Variants in TTN observed in about 807,000 individuals in gnomAD.
TTN encodes titin.
Under a neutral mutation model 3,223.0 loss-of-function variants are expected in TTN, and 1,525 were observed. The observed-to-expected ratio is 0.47, with a 90% CI of 0.45 to 0.49. The LOEUF is 0.49. TTN is among the 20% of genes least tolerant of loss of function. TTN has a pLI of 0.00. For synonymous variants in TTN, 14,094 were observed against 15,161.0 expected (o/e 0.93, Z 5.17); for missense variants, 40,786 against 43,424.0 (o/e 0.94, Z 5.40).
chr2:178,760,445 G>T (rs2088779162), intron 43 of TTN, among the ~76,000 whole-genome samples: 1 of 152,172 alleles, frequency 6.6e-6, no homozygotes, highest in Non-Finnish European at 1.5e-5. Flanking sequence ...CAGGAGAATA[G>T]CTTGAACCCG....
chr2:178,777,458 G>A lies in TTN; in HGVS notation c.4607C>T (p.Ala1536Val). 8.7e-6 allele frequency: 14 copies of A among 1,613,832 alleles called. No individual in the cohort carries two copies. The highest frequency in any genetic ancestry group is 1.2e-5 in the Non-Finnish European group (14 of 1,179,890). ...AATCACTGAAATTGAAGATCTGCCT[G>A]CCCTGTTTTGGGCAACCACAGTCCA... is the stretch of plus-strand genomic sequence containing the variant. ...GEWTVVAQNR[A>V]GRSSISVILT... Residue 1536 changes from alanine (A) to valine (V), a missense_variant, in exon 26 of 363, where the codon GCA (alanine) becomes GTA (valine). Transcript: ENST00000589042.
chr2:178,562,109 C>T lies in TTN; in HGVS notation c.84023G>A (p.Arg28008Lys). ...AGTCTTTGAAGAAGAAACATTGACT[C>T]TAGTTGTCTCTTTAAGAGTCTGACC... The part of the protein sequence containing the change: ...KDGQTLKETT[R>K]VNVSSSKTVT... Residue 28008 changes from arginine to lysine, a missense_variant, in exon 326 of 363, where the codon AGA becomes AAA. Coordinates refer to ENST00000589042, the MANE Select transcript of TTN (RefSeq NM_001267550.2). 6.2e-7 allele frequency: 1 copy of T among 1,613,292 alleles called. No homozygotes were observed. Among genetic ancestry groups the T allele is most frequent in the Non-Finnish European group, 8.5e-7 (1 of 1,179,596 alleles).
chr2:178,722,362 A>G lies in TTN; in HGVS notation c.22425T>C (p.Thr7475=), dbSNP rs1252676174. 3.1e-6 allele frequency: 5 copies of G among 1,613,314 alleles called. No individual in the cohort carries two copies. The highest frequency in any genetic ancestry group is 1.1e-5 in the South Asian group (1 of 91,050). The part of the protein sequence containing the change: ...LQTSFVDNVA[T]LKILQTDLSH... ...TCAAGTCAGTTTGCAAAATTTTTAA[A>G]GTTGCCACATTATCTACAAATGAAG... The change falls in exon 77 of 363, where the codon ACT becomes ACC. Residue 7475 remains threonine (T), a synonymous_variant. Transcript: ENST00000589042.
chr2:178,567,996 G>A lies in TTN; in HGVS notation c.78136C>T (p.His26046Tyr), dbSNP rs747097682. ...TTCTGTGCTTTGAATTGGGTGTCAT[G>A]AATAATAGTTTTGTTGACCTTTGTC... ...LWTKVNKTII[H>Y]DTQFKAQNLE... Residue 26046 changes from histidine to tyrosine, a missense_variant, in exon 326 of 363, where the codon CAT (histidine) becomes TAT (tyrosine). Physicochemically the swap from His to Tyr is moderately conservative, Grantham distance 83. Transcript: ENST00000589042. The A allele has an allele frequency of 1.9e-6, 3 of 1,613,292 alleles. No individual in the cohort carries two copies. Among genetic ancestry groups the A allele is most frequent in the Admixed American group, 1.7e-5 (1 of 59,946 alleles).
chr2:178,744,491 G>A (rs907143606), intron 47 of TTN: 4 of 859,446 alleles, frequency 4.7e-6, no homozygotes, highest in Non-Finnish European at 5.6e-6. Flanking sequence ...TTAATTTACT[G>A]TTATTTTAAT....
chr2:178,703,335 A>T (rs1309852474), intron 106 of TTN, among the ~76,000 whole-genome samples: 4 of 152,312 alleles, frequency 2.6e-5, no homozygotes, highest in African/African-American at 9.6e-5. Flanking sequence ...GAATTATATT[A>T]AAAATATCAA....
chr2:178,555,192 AGGATGG>A (rs1422507695), intron 330 of TTN, 40 bp from the exon 331 acceptor site: 2 of 1,571,278 alleles, frequency 1.3e-6, no homozygotes, highest in Admixed American at 2.0e-5. Flanking sequence ...AAATATTATA[AGGATGG>A]AAAAAAAAAT....
intron 310 of TTN, 35 bp from the exon 311 acceptor site, chr2:178,584,613 C>T: frequency 1.9e-6 from 3 of 1,610,094 alleles, no homozygotes; most frequent in African/African-American, 2.7e-5. Flanking sequence ...TCAGTTTCTA[C>T]ATTAAGTAAC....
chr2:178,768,031 T>G lies in TTN; in HGVS notation c.9288A>C (p.Glu3096Asp). ...ITVQWMKDDQELQITDRIKIQ... is the reference protein window; with the variant it reads ...ITVQWMKDDQDLQITDRIKIQ... ...CAACTGACCTGTCTGTGATCTGCAG[T>G]TCCTGGTCATCTTTCATCCACTGTA... is the stretch of plus-strand genomic sequence containing the variant. The change falls in exon 39 of 363, where the codon GAA becomes GAC. Residue 3096 changes from glutamate (E) to aspartate (D), a missense_variant. Physicochemically the swap from Glu to Asp is conservative, Grantham distance 45 (BLOSUM62 2). Coordinates refer to ENST00000589042, the MANE Select transcript of TTN (RefSeq NM_001267550.2). 6.2e-7 allele frequency: 1 copy of G among 1,614,146 alleles called. No homozygotes were observed.
Position 178,735,606 on chromosome 2 carries a change from A to G in TTN, c.14840T>C (p.Ile4947Thr). 2 of 1,613,576 alleles carry G rather than the reference A, an allele frequency of 1.2e-6. No homozygotes were observed. The highest frequency in any genetic ancestry group is 8.5e-7 in the Non-Finnish European group (1 of 1,179,732). Residue 4947 changes from isoleucine to threonine, a missense_variant, in exon 50 of 363, where the codon ATT becomes ACT. By Grantham distance (89) the Ile-to-Thr change is moderately conservative. Coordinates refer to ENST00000589042, the MANE Select transcript of TTN (RefSeq NM_001267550.2). ...CFEDKIATLE[I>T]PLAKLKDSGT... ...TGAATCTTTCAGTTTGGCCAAAGGA[A>G]TCTCAAGTGTTGCTATTTTATCTTC...
In TTN at chr2:178,533,098, G is replaced by A. The variant is rs1278424347; in HGVS notation, c.103517C>T (p.Ala34506Val). The change falls in exon 358 of 363, where the codon GCT (alanine) becomes GTT (valine). Residue 34506 changes from alanine to valine, a missense_variant. Coordinates refer to ENST00000589042, the MANE Select transcript of TTN (RefSeq NM_001267550.2). ...TQVAKEALRE[A>V]AVLYKPAVST... The stretch of plus-strand genomic sequence containing the variant: ...TACAGCCGGTTTATAAAGGACAGCA[G>A]CTTCTCTCAGAGCCTCTTTAGCTAC... 1.2e-6 allele frequency: 2 copies of A among 1,613,906 alleles called. No homozygotes were observed. The highest frequency in any genetic ancestry group is 8.5e-7 in the Non-Finnish European group (1 of 1,179,850).
rs776516784 is a variant in TTN at position 178,584,782 on chromosome 2, C to T, written c.64859G>A (p.Arg21620Lys). 6 of 1,613,484 alleles carry T rather than the reference C, an allele frequency of 3.7e-6. No individual in the cohort carries two copies. The Admixed American group carries it at 1.0e-4, about 27-fold the overall frequency. ...ALASVTKTSC[R>K]VGKLIPGQEY... Reference sequence around the variant, plus strand: ...CTGGCCTGGGATCAGCTTTCCAACCCTGCAGGAAGTTTTTGTGACTGAAGC... The same window carrying T: ...CTGGCCTGGGATCAGCTTTCCAACCTTGCAGGAAGTTTTTGTGACTGAAGC... The change falls in exon 310 of 363, where the codon AGG (arginine) becomes AAG (lysine). Residue 21620 changes from arginine (R) to lysine (K), a missense_variant. Arg to Lys is a conservative substitution (Grantham distance 26). Coordinates refer to ENST00000589042, the MANE Select transcript of TTN (RefSeq NM_001267550.2).
In TTN at chr2:178,704,748, A is replaced by G; in HGVS notation, c.29724T>C (p.Asn9908=). 1 of 1,610,512 alleles carries G rather than the reference A, an allele frequency of 6.2e-7. No homozygotes were observed. The highest frequency in any genetic ancestry group is 8.5e-7 in the Non-Finnish European group (1 of 1,179,484). The change falls in exon 105 of 363, where the codon AAT becomes AAC. Residue 9908 remains asparagine (N), a synonymous_variant. Coordinates refer to ENST00000589042, the MANE Select transcript of TTN (RefSeq NM_001267550.2). The stretch of plus-strand genomic sequence containing the variant: ...CATCATTATCTTTCAAAACTGTCTG[A>G]TTTTCAATGTCCTTGATCAGAGTGA... ...EPVTLIKDIE[N]QTVLKDNDAV...
At position 178,539,695 on chromosome 2, in the gene TTN, G is replaced by C. The variant is rs1693431316; in HGVS notation, c.98370C>G (p.Val32790=). 1 of 1,613,672 alleles carries C rather than the reference G, an allele frequency of 6.2e-7. No individual in the cohort carries two copies. Among genetic ancestry groups the C allele is most frequent in the South Asian group, 1.1e-5 (1 of 91,078 alleles). ...GACTGTTGGGACTTCCTATCACCCTGACCTTGATGTAGACAGCCTTCTTGC... is the reference window on the plus strand; with the variant it reads ...GACTGTTGGGACTTCCTATCACCCTCACCTTGATGTAGACAGCCTTCTTGC... The part of the protein sequence containing the change: ...KCGKKAVYIK[V]RVIGSPNSPE... Residue 32790 remains valine, a synonymous_variant, in exon 352 of 363, where the codon GTC becomes GTG. Coordinates refer to ENST00000589042, the MANE Select transcript of TTN (RefSeq NM_001267550.2).
chr2:178,568,720 G>C lies in TTN; in HGVS notation c.77412C>G (p.Phe25804Leu), dbSNP rs536177370. 4.3e-6 allele frequency: 7 copies of C among 1,613,244 alleles called. No individual in the cohort carries two copies. The South Asian group carries it at 4.4e-5, about 10-fold the overall frequency. The stretch of plus-strand genomic sequence containing the variant: ...GGCCAACCTGTACACTGTAACTACT[G>C]AATGCAGGTTTTACATCTGGCTCAA... Reference protein sequence around the residue: ...LVIEPDVKPAFSSYSVQVGQD... With the variant: ...LVIEPDVKPALSSYSVQVGQD... Residue 25804 changes from phenylalanine (F) to leucine (L), a missense_variant, in exon 326 of 363, where the codon TTC (phenylalanine) becomes TTG (leucine). Phe to Leu is a conservative substitution (Grantham distance 22). Transcript: ENST00000589042.
In TTN at chr2:178,580,239, T is replaced by C; in HGVS notation, c.67058-10A>G. 1 of 1,610,148 alleles carries C rather than the reference T, an allele frequency of 6.2e-7. No homozygotes were observed. The highest frequency in any genetic ancestry group is 8.5e-7 in the Non-Finnish European group (1 of 1,178,838). ...GGTGGCCCAGGAGTATCTGGATAAA[T>C]AGTAGGTAAATAAGAAATGAATGTG... On this transcript the variant is annotated splice_polypyrimidine_tract_variant and intron_variant, in intron 317 of 362. Transcript: ENST00000589042.
Position 178,701,123 on chromosome 2 carries a change from C to A in TTN, c.30679G>T (p.Glu10227Ter). 6.2e-7 allele frequency: 1 copy of A among 1,613,550 alleles called. No individual in the cohort carries two copies. The highest frequency in any genetic ancestry group is 1.1e-5 in the South Asian group (1 of 91,058). ...CTAGGTAGATGAGGTATAATACCTT[C>A]AATACGTTTTGGTGGTGGTTTCTTT... ...EEKKPPPKRI[E>*]VTKKAVKKDA... Residue 10227 changes from glutamate to a stop codon, truncating the protein, a stop_gained, in exon 111 of 363, where the codon GAA becomes TAA. Coordinates refer to ENST00000589042, the MANE Select transcript of TTN (RefSeq NM_001267550.2). LOFTEE classifies it high-confidence loss of function.
At chr2:178,702,684 T>C (rs1317778463) in intron 106 of TTN, 21 bp from the exon 107 acceptor site, 5 of 1,602,112 alleles carry the variant, frequency 3.1e-6, no homozygotes, top group Non-Finnish European at 4.3e-6. Flanking sequence ...ACAAAGAGGG[T>C]TCAAAGTTAG....
At chr2:178,578,781 C>T (rs938449820) in intron 320 of TTN, 25 bp downstream of exon 320, 70 of 1,605,786 alleles carry the variant, frequency 4.4e-5, no homozygotes, top group Non-Finnish European at 5.5e-5. Flanking sequence ...TTTTGCTTTA[C>T]GTCTTCTGAA....
Sources: allele counts gnomAD v4.1 joint callset (sites outside exome capture counted in the v4.1 genomes callset), GRCh38; gene constraint gnomAD v4.1.1; transcripts MANE v1.5; gene names NCBI Gene and HGNC (gene_info 2026-07-23, HGNC 2026-07-21).